The following GTF2E2 variants were observed in gnomAD, a reference collection of about 807,000 sequenced individuals.
GTF2E2 encodes transcription initiation factor IIE subunit beta.
In GTF2E2, 21 loss-of-function variants were observed where a neutral mutation model predicts 40.5. The ratio of observed to expected loss-of-function variants is 0.52; its 90% confidence interval spans 0.37 to 0.75. The LOEUF is 0.75. GTF2E2 is among the 30% of genes least tolerant of loss of function. The probability of loss-of-function intolerance (pLI) is 0.00; values close to 1 mark genes in which losing one functional copy is unlikely to be tolerated. For synonymous variants in GTF2E2, 117 were observed against 121.6 expected (o/e 0.96, Z 0.25); for missense variants, 298 against 338.4 (o/e 0.88, Z 0.94).
intron 2 of GTF2E2, among the ~76,000 whole-genome samples, chr8:30,651,284 T>A (rs1457475741): frequency 6.6e-6 from 1 of 151,788 alleles, no homozygotes; most frequent in East Asian, 1.9e-4. Flanking sequence ...AATCTTGACA[T>A]AGAAAATCCT....
chr8:30,657,952 C>A (rs918402874), intron 1 of GTF2E2, 21 bp downstream of exon 1: 56 of 152,340 alleles, frequency 3.7e-4, no homozygotes, highest in Admixed American at 3.6e-3. Context: ...GCGCCCCACA[C>A]CCGGCGGCCG....
chr8:30,603,858 T>C (rs192853237), intron 6 of GTF2E2, among the ~76,000 whole-genome samples: 6 of 152,044 alleles, frequency 3.9e-5, no homozygotes, highest in Admixed American at 1.3e-4. Context: ...AAGTGCACCA[T>C]AGAGAAAATA....
intron 5 of GTF2E2, 149 bp from the exon 6 acceptor site, chr8:30,607,299 AT>A: frequency 2.4e-6 from 1 of 419,434 alleles, no homozygotes. Context: ...ACTGGACCCA[AT>A]TTTAGTTTTA....
At chr8:30,652,810 T>C (rs1439389114) in intron 2 of GTF2E2, among the ~76,000 whole-genome samples, 1 of 152,138 alleles carries the variant, frequency 6.6e-6, no homozygotes, top group Non-Finnish European at 1.5e-5. Flanking sequence ...ATAATCCAAA[T>C]AACCGTTTAT....
chr8:30,613,605 G>C (rs1464509905), intron 4 of GTF2E2, among the ~76,000 whole-genome samples: 1 of 152,186 alleles, frequency 6.6e-6, no homozygotes. Flanking sequence ...AGCTAAACCA[G>C]CAAATTTAAA....
At chr8:30,594,075 C>T (rs568635151) in intron 6 of GTF2E2, among the ~76,000 whole-genome samples, 3 of 151,924 alleles carry the variant, frequency 2.0e-5, no homozygotes, top group African/African-American at 4.8e-5. Flanking sequence ...GGATTACAGG[C>T]GCATGCCACC....
At chr8:30,623,732 A>G (rs1801181858) in intron 3 of GTF2E2, among the ~76,000 whole-genome samples, 1 of 151,724 alleles carries the variant, frequency 6.6e-6, no homozygotes, top group Non-Finnish European at 1.5e-5. Flanking sequence ...ATGGTATCTC[A>G]TTGTGGTTTT....
chr8:30,587,452 T>C (rs761093824), intron 6 of GTF2E2, among the ~76,000 whole-genome samples: 5 of 128,690 alleles, frequency 3.9e-5, no homozygotes, highest in Non-Finnish European at 8.0e-5. Context: ...TCCATATATA[T>C]GGAACTCAAA....
chr8:30,645,205 AG>A, intron 2 of GTF2E2: 2 of 1,230,884 alleles, frequency 1.6e-6, no homozygotes, highest in Admixed American at 5.7e-5. Flanking sequence ...AAATTTACTA[AG>A]AAATCTTAGT....
chr8:30,611,779 A>G (rs1189209797), intron 5 of GTF2E2, among the ~76,000 whole-genome samples: 1 of 152,238 alleles, frequency 6.6e-6, no homozygotes, highest in Non-Finnish European at 1.5e-5. Context: ...TAACAAGTTA[A>G]CATTAATAAT....
intron 6 of GTF2E2, among the ~76,000 whole-genome samples, chr8:30,593,683 A>C (rs1828911880): frequency 6.6e-6 from 1 of 151,984 alleles, no homozygotes; most frequent in Non-Finnish European, 1.5e-5. Context: ...TTTTGTAGAG[A>C]CGAGGTTTCG....
intron 5 of GTF2E2, among the ~76,000 whole-genome samples, chr8:30,609,465 T>C (rs1035157969): frequency 3.3e-5 from 5 of 151,898 alleles, no homozygotes; most frequent in East Asian, 1.9e-4. Context: ...ATAAAATAAA[T>C]GAAAGAACCT....
chr8:30,652,219 G>A (rs1394938769), intron 2 of GTF2E2, among the ~76,000 whole-genome samples: 1 of 152,002 alleles, frequency 6.6e-6, no homozygotes, highest in Non-Finnish European at 1.5e-5. Context: ...AAACTGGTAA[G>A]GTGGACTTCA....
At chr8:30,597,441 G>C (rs1239340529) in intron 6 of GTF2E2, 1 of 152,242 alleles carries the variant, frequency 6.6e-6, no homozygotes, top group Admixed American at 6.5e-5. Context: ...AAGAGCCTGT[G>C]AGTGGATACA....
intron 1 of GTF2E2, among the ~76,000 whole-genome samples, chr8:30,653,914 C>T (rs1267287175): frequency 6.6e-6 from 1 of 151,920 alleles, no homozygotes; most frequent in African/African-American, 2.4e-5. Context: ...CATGGTAATA[C>T]CTCCTGTCTA....
chr8:30,641,483 C>T (rs1298287325), intron 2 of GTF2E2, among the ~76,000 whole-genome samples: 1 of 152,164 alleles, frequency 6.6e-6, no homozygotes, highest in Non-Finnish European at 1.5e-5. Context: ...CCACCTGAGC[C>T]TCCCAAGTAG....
intron 3 of GTF2E2, among the ~76,000 whole-genome samples, chr8:30,633,054 T>A (rs1001840680): frequency 6.6e-6 from 1 of 152,184 alleles, no homozygotes; most frequent in Non-Finnish European, 1.5e-5. Context: ...TTAATCAAAA[T>A]TTTAATCTAT....
At chr8:30,654,913 T>C (rs542178052) in intron 1 of GTF2E2, among the ~76,000 whole-genome samples, 141 of 152,202 alleles carry the variant, frequency 9.3e-4, no homozygotes, top group Non-Finnish European at 1.7e-3. Flanking sequence ...TATTAAGTGA[T>C]GAAGAGGCTG....
intron 6 of GTF2E2, among the ~76,000 whole-genome samples, chr8:30,593,076 C>A (rs1828894717): frequency 6.6e-6 from 1 of 152,176 alleles, no homozygotes; most frequent in South Asian, 2.1e-4. Flanking sequence ...TGCCTGTAGT[C>A]CCAGCTACTC....
Sources: allele counts gnomAD v4.1 joint callset (sites outside exome capture counted in the v4.1 genomes callset), GRCh38; gene constraint gnomAD v4.1.1; transcripts MANE v1.5; gene names NCBI Gene and HGNC (gene_info 2026-07-23, HGNC 2026-07-21).